The following TRPM3 variants were observed in gnomAD, a reference collection of about 807,000 sequenced individuals.
The protein encoded by TRPM3 is transient receptor potential cation channel subfamily M member 3.
TRPM3 carries 77 observed loss-of-function variants against 181.2 expected under a neutral mutation model. The ratio of observed to expected loss-of-function variants is 0.42; its 90% CI spans 0.35 to 0.51. The LOEUF is 0.51. Ranked by LOEUF, TRPM3 falls within the 20% of genes least tolerant of loss-of-function variation. The pLI, the probability that TRPM3 is intolerant of heterozygous loss-of-function variation, is 0.01. For missense variants in TRPM3, 1,759 were observed against 2,196.7 expected (o/e 0.80, Z 3.98); for synonymous variants, 745 against 796.4 (o/e 0.94, Z 1.09).
chr9:71,125,502 C>A (rs1260993668), upstream of TRPM3, among the ~76,000 whole-genome samples: 1 of 152,162 alleles, frequency 6.6e-6, no homozygotes, highest in South Asian at 2.1e-4. Flanking sequence ...CCAGCTCCAT[C>A]CATGTCACTG....
intron 1 of TRPM3, among the ~76,000 whole-genome samples, chr9:71,237,752 T>C (rs901942786): frequency 6.6e-6 from 1 of 152,182 alleles, no homozygotes; most frequent in Non-Finnish European, 1.5e-5. Flanking sequence ...AGAATAGAAA[T>C]TTATTTCTCA....
chr9:70,535,291 A>G lies in TRPM3; in HGVS notation c.*662T>C. The G allele has an allele frequency of 1.1e-6, 1 of 909,096 alleles. No individual in the cohort carries two copies. The highest frequency in any genetic ancestry group is 1.7e-5 in the South Asian group (1 of 59,370). The allele number at this position is 909,096 out of a possible 1,614,324, so 56.3% of individuals were successfully genotyped here. A position where few individuals can be genotyped will look rare whatever the true frequency, so the allele number is the denominator to read the frequency against. On this transcript the variant is annotated 3_prime_UTR_variant, in exon 26 of 26. Coordinates refer to ENST00000677713, the MANE Select transcript of TRPM3 (RefSeq NM_001366145.2). ...TTATTTTCTTCAAAAAAGGATAAAC[A>G]GTTGTGGCACCAGAAGTGAATAGAT...
chr9:71,268,176 T>G (rs1331847307), intron 1 of TRPM3, among the ~76,000 whole-genome samples: 2 of 151,450 alleles, frequency 1.3e-5, no homozygotes, highest in Non-Finnish European at 2.9e-5. Flanking sequence ...AGGTCAGGAG[T>G]TCAACGCCAG....
chr9:71,077,906 C>CTTTTTTTTTT (rs574083427), intron 1 of TRPM3, among the ~76,000 whole-genome samples: 5 of 130,836 alleles, frequency 3.8e-5, no homozygotes, highest in Non-Finnish European at 6.6e-5. Flanking sequence ...TTGTTTTTGT[C>CTTTTTTTTTT]TTTTTTTTTT....
intron 9 of TRPM3, among the ~76,000 whole-genome samples, chr9:70,646,888 A>C (rs1215958052): frequency 3.4e-5 from 2 of 58,218 alleles, no homozygotes; most frequent in East Asian, 6.8e-4. Flanking sequence ...AAAAAAAAAA[A>C]AAACCCTCAG....
chr9:70,614,255 G>T (rs953896049), intron 18 of TRPM3, among the ~76,000 whole-genome samples: 2 of 151,694 alleles, frequency 1.3e-5, no homozygotes, highest in African/African-American at 4.9e-5. Context: ...AGCACTATGG[G>T]AGGCCAAGGC....
chr9:71,309,084 G>C (rs2087665872), intron 1 of TRPM3, among the ~76,000 whole-genome samples: 1 of 152,118 alleles, frequency 6.6e-6, no homozygotes, highest in South Asian at 2.1e-4. Flanking sequence ...GACATAGTGG[G>C]AGATACAAAC....
In TRPM3 at chr9:71,317,425, C is replaced by T. The variant is rs114407403; in HGVS notation, c.183+129228G>A. Among the ~76,000 whole-genome samples the T allele has an allele frequency of 8.0e-4, 121 of 152,110 alleles. 3 individuals carry two copies. Among genetic ancestry groups the T allele is most frequent in the African/African-American group, 2.9e-3 (120 of 41,518 alleles). ...GAGGCTGAGACAGGCAGATTGCTTG[C>T]GCATGGGAGTTCAAGACCAGCCTGG... is the stretch of plus-strand genomic sequence containing the variant. On this transcript the variant is annotated intron_variant, in intron 1 of 24. Transcript: ENST00000357533.
At chr9:71,431,048 T>C (rs892354193) in intron 1 of TRPM3, among the ~76,000 whole-genome samples, 11 of 152,198 alleles carry the variant, frequency 7.2e-5, no homozygotes, top group African/African-American at 1.9e-4. Flanking sequence ...ATTGAAAATA[T>C]TGAAGATATA....
At position 71,345,873 on chromosome 9, in the gene TRPM3, C is replaced by A. The variant is rs1435823240; in HGVS notation, c.183+100780G>T. 2.6e-5 allele frequency among the ~76,000 whole-genome samples: 4 copies of A among 152,140 alleles called. No individual in the cohort carries two copies. In the South Asian group the frequency reaches 6.2e-4, roughly 24 times the overall value. On this transcript the variant is annotated intron_variant, in intron 1 of 24. Transcript: ENST00000357533. The stretch of plus-strand genomic sequence containing the variant: ...TAAAATTACAAATTACACCACACAT[C>A]CGCTAGAATGGCTCACCTTGAAAAG...
At chr9:71,337,383 C>T (rs2090632285) in intron 1 of TRPM3, among the ~76,000 whole-genome samples, 1 of 152,212 alleles carries the variant, frequency 6.6e-6, no homozygotes, top group Non-Finnish European at 1.5e-5. Context: ...GAGATACCAT[C>T]TCATGCCAGT....
At chr9:71,070,402 TCTTTA>T (rs1232914825) in intron 1 of TRPM3, among the ~76,000 whole-genome samples, 2 of 152,174 alleles carry the variant, frequency 1.3e-5, no homozygotes, top group African/African-American at 2.4e-5. Flanking sequence ...GAGAAACATA[TCTTTA>T]CTTTGCTTTT....
chr9:70,772,032 A>C (rs1051676874), intron 7 of TRPM3, among the ~76,000 whole-genome samples: 2 of 152,174 alleles, frequency 1.3e-5, no homozygotes, highest in African/African-American at 4.8e-5. Flanking sequence ...GACTAAATAC[A>C]TAATGCTGAC....
At chr9:71,378,985 T>C (rs925202881) in intron 1 of TRPM3, among the ~76,000 whole-genome samples, 2 of 152,030 alleles carry the variant, frequency 1.3e-5, no homozygotes, top group African/African-American at 4.8e-5. Flanking sequence ...GGTTTGAAGA[T>C]ACAAATACTA....
intron 1 of TRPM3, among the ~76,000 whole-genome samples, chr9:71,371,378 G>A (rs572481250): frequency 4.5e-4 from 68 of 152,266 alleles, no homozygotes; most frequent in Non-Finnish European, 8.2e-4. Flanking sequence ...ATGGGAGGAG[G>A]TGAATATAGC....
chr9:70,698,617 G>C (rs1247085004), intron 8 of TRPM3, among the ~76,000 whole-genome samples: 1 of 152,144 alleles, frequency 6.6e-6, no homozygotes, highest in African/African-American at 2.4e-5. Flanking sequence ...GATATGGTTT[G>C]GATCAGTGTC....
intron 8 of TRPM3, among the ~76,000 whole-genome samples, chr9:70,749,429 T>C (rs545454980): frequency 6.6e-6 from 1 of 152,296 alleles, no homozygotes; most frequent in South Asian, 2.1e-4. Context: ...AAATTATGAT[T>C]AGAAAGCTAT....
intron 1 of TRPM3, among the ~76,000 whole-genome samples, chr9:71,207,686 A>T (rs764211879): frequency 6.6e-6 from 1 of 152,152 alleles, no homozygotes; most frequent in African/African-American, 2.4e-5. Flanking sequence ...AAACTCTTTG[A>T]ATCAGATATT....
chr9:70,965,906 TA>T (rs1331010375), intron 1 of TRPM3, among the ~76,000 whole-genome samples: 1 of 151,684 alleles, frequency 6.6e-6, no homozygotes, highest in Non-Finnish European at 1.5e-5. Context: ...CTCTTTAAAC[TA>T]AAGAGCTTCT....
Sources: gnomAD v4.1 joint callset for allele counts (sites outside exome capture counted in the v4.1 genomes callset) on GRCh38, gnomAD v4.1.1 for gene constraint, MANE v1.5 for transcripts, NCBI Gene and HGNC (gene_info 2026-07-23, HGNC 2026-07-21) for gene names.